Variants in SIN3B observed in about 807,000 individuals in gnomAD.
The protein encoded by SIN3B is paired amphipathic helix protein Sin3b.
A neutral mutation model predicts 120.2 loss-of-function variants in SIN3B; 19 were observed. That is an observed-to-expected ratio of 0.16 (90% CI 0.11 to 0.23). The LOEUF is 0.23. Among genes scored for constraint, SIN3B ranks in the 10% least tolerant of loss-of-function variants. The pLI is 1.00. For missense variants in SIN3B, 1,073 were observed against 1,573.0 expected, an observed-to-expected ratio of 0.68 and a Z score of 5.38; for synonymous variants, 654 against 653.2, an observed-to-expected ratio of 1.00 and a Z score of -0.02.
chr19:16,843,005 G>C (rs780778839), intron 4 of SIN3B, among the ~76,000 whole-genome samples: 1 of 152,214 alleles, frequency 6.6e-6, no homozygotes, highest in South Asian at 2.1e-4. Context: ...GGCTGGTGGC[G>C]AGGGACATCT....
At chr19:16,878,029 T>C (rs1360225374) in intron 17 of SIN3B, among the ~76,000 whole-genome samples, 154 bp from the exon 18 acceptor site, 1 of 152,088 alleles carries the variant, frequency 6.6e-6, no homozygotes, top group African/African-American at 2.4e-5. Context: ...TGTTCAGATC[T>C]GGGGGCATTT....
In SIN3B at chr19:16,876,483, C is replaced by T; in HGVS notation, c.2767-3C>T. The T allele has an allele frequency of 6.2e-7, 1 of 1,612,900 alleles. No individual in the cohort carries two copies. Among genetic ancestry groups the T allele is most frequent in the Non-Finnish European group, 8.5e-7 (1 of 1,179,744 alleles). ...GGAGGCTGTCAGCGTTCCTGCTCCG[C>T]AGGTGATGTTCCTGCAGCGCAAAGG... On this transcript the variant is annotated splice_polypyrimidine_tract_variant and splice_region_variant and intron_variant, in intron 15 of 18. Coordinates refer to ENST00000248054, the MANE Select transcript of SIN3B (RefSeq NM_001297595.2). This position sits in a 1 kb window ranked among gnomAD's most constrained non-coding sequence, Gnocchi z 7.1.
chr19:16,856,606 C>G (rs780590215), intron 8 of SIN3B, among the ~76,000 whole-genome samples: 10 of 151,426 alleles, frequency 6.6e-5, no homozygotes, highest in African/African-American at 1.5e-4. Context: ...GAGTCTTGCT[C>G]TGTTGCCCAG....
chr19:16,868,876 G>A lies in SIN3B; in HGVS notation c.1807-584G>A, dbSNP rs753678121. ...GCTGGCGGGGACAGCAGCGGAGGCG[G>A]GGGCTTGGTGACGATGGGCGTGCAG... On this transcript the variant is annotated intron_variant, in intron 12 of 18. Coordinates refer to ENST00000248054, the MANE Select transcript of SIN3B (RefSeq NM_001297595.2). 1.3e-3 allele frequency among the ~76,000 whole-genome samples: 199 copies of A among 152,294 alleles called. 2 individuals carry two copies. The highest frequency in any genetic ancestry group is 2.4e-3 in the Admixed American group (37 of 15,302).
chr19:16,857,899 C>T (rs918184954), intron 8 of SIN3B, among the ~76,000 whole-genome samples: 17 of 151,764 alleles, frequency 1.1e-4, no homozygotes, highest in African/African-American at 3.4e-4. Flanking sequence ...TTTTTTGAGA[C>T]GGAGTCTAAC....
intron 4 of SIN3B, among the ~76,000 whole-genome samples, chr19:16,846,730 C>T (rs923880182): frequency 1.3e-5 from 2 of 152,216 alleles, no homozygotes; most frequent in African/African-American, 4.8e-5. Context: ...ACCTCCCTGC[C>T]CCCTCTGTTC....
At chr19:16,846,827 A>C (rs2241377) in intron 4 of SIN3B, 143 bp from the exon 5 acceptor site, 464,239 of 826,158 alleles carry the variant, frequency 0.56, 132,558 homozygotes, top group Non-Finnish European at 0.59. Flanking sequence ...AAGATCCACA[A>C]GTGTGCAGAC....
intron 4 of SIN3B, among the ~76,000 whole-genome samples, chr19:16,842,577 A>G (rs1292130116): frequency 1.3e-5 from 2 of 152,042 alleles, no homozygotes; most frequent in African/African-American, 4.8e-5. Context: ...TGGCCAAGAC[A>G]GTCTTTTTAT....
intron 3 of SIN3B, among the ~76,000 whole-genome samples, chr19:16,840,252 G>A (rs1336862117): frequency 6.6e-6 from 1 of 152,130 alleles, no homozygotes; most frequent in East Asian, 1.9e-4. Flanking sequence ...TGATTTAACT[G>A]AGGCCGTTAG....
At chr19:16,840,482 GTTTCAGCC>G (rs1219761526) in intron 3 of SIN3B, among the ~76,000 whole-genome samples, 2 of 152,216 alleles carry the variant, frequency 1.3e-5, no homozygotes, top group African/African-American at 2.4e-5. Flanking sequence ...AACTTCTGTT[GTTTCAGCC>G]AGTCTGGGGT....
chr19:16,856,290 C>G (rs959941551), intron 8 of SIN3B, among the ~76,000 whole-genome samples: 4 of 152,066 alleles, frequency 2.6e-5, no homozygotes, highest in Non-Finnish European at 5.9e-5. Flanking sequence ...TGGGAGCCAG[C>G]TGGGGCCAGT....
intron 14 of SIN3B, 62 bp downstream of exon 14, chr19:16,871,460 A>G (rs1387537938): frequency 1.3e-6 from 2 of 1,495,960 alleles, no homozygotes; most frequent in Non-Finnish European, 1.8e-6. Flanking sequence ...CCATCATTTC[A>G]CTCCCCGCTC....
chr19:16,877,756 T>C (rs1325139646), intron 17 of SIN3B, 117 bp downstream of exon 17: 7 of 737,152 alleles, frequency 9.5e-6, no homozygotes, highest in African/African-American at 1.7e-5. Context: ...AGTAGGTGCC[T>C]GCTGTGTGCT....
intron 3 of SIN3B, among the ~76,000 whole-genome samples, chr19:16,841,422 C>T (rs1302192788): frequency 2.0e-5 from 3 of 152,150 alleles, no homozygotes; most frequent in East Asian, 1.9e-4. Flanking sequence ...GCGTGGGAGA[C>T]TTCTCTATTA....
chr19:16,878,780 G>C lies in SIN3B; in HGVS notation c.*53G>C, dbSNP rs929146853. On this transcript the variant is annotated 3_prime_UTR_variant, in exon 19 of 19. Transcript: ENST00000248054. ...CCTCACAGAGCACAGACGTGCCCTC[G>C]GCCTTGGTCGTGTCGGGGCCGTTTT... 1.4e-6 allele frequency: 2 copies of C among 1,469,094 alleles called. No homozygotes were observed. The highest frequency in any genetic ancestry group is 1.8e-6 in the Non-Finnish European group (2 of 1,091,516). The allele number at this position is 1,469,094 out of a possible 1,614,324, so 91.0% of individuals were successfully genotyped here.
Position 16,829,412 on chromosome 19 carries a change from A to G in SIN3B, c.-9A>G, listed in dbSNP as rs985586122. 2 of 1,202,326 alleles carry G rather than the reference A, an allele frequency of 1.7e-6. No homozygotes were observed. The highest frequency in any genetic ancestry group is 4.4e-5 in the Admixed American group (1 of 22,616). The allele number at this position is 1,202,326 out of a possible 1,614,324, so 74.5% of individuals were successfully genotyped here. A position where few individuals can be genotyped will look rare whatever the true frequency, so the allele number is the denominator to read the frequency against. Reference sequence around the variant, plus strand: ...GGGGGCGGGGCGGGGCGCAGCTCCGACTTCGGACATGGCGCACGCTGGCGG... The same window carrying G: ...GGGGGCGGGGCGGGGCGCAGCTCCGGCTTCGGACATGGCGCACGCTGGCGG... On this transcript the variant is annotated 5_prime_UTR_variant, in exon 1 of 19. Coordinates refer to ENST00000248054, the MANE Select transcript of SIN3B (RefSeq NM_001297595.2).
chr19:16,841,237 A>G (rs1971413202), intron 3 of SIN3B, among the ~76,000 whole-genome samples: 1 of 152,072 alleles, frequency 6.6e-6, no homozygotes, highest in Non-Finnish European at 1.5e-5. Flanking sequence ...CCTTATTGCG[A>G]TTGGCCTGGG....
chr19:16,874,050 C>T (rs191656813), intron 14 of SIN3B, among the ~76,000 whole-genome samples: 16 of 152,310 alleles, frequency 1.1e-4, no homozygotes, highest in Admixed American at 6.5e-4. Context: ...GCTGTGCAGG[C>T]GGGTGATTCA....
In SIN3B at chr19:16,841,752, A is replaced by G. The variant is rs1568413950; in HGVS notation, c.382-16A>G. ...CCAGTGTCGGGCCTGGCAGTAACTC[A>G]TTGTCGCCTTGTCAGGAGAATTCGC... On this transcript the variant is annotated splice_polypyrimidine_tract_variant and intron_variant, in intron 3 of 18. Transcript: ENST00000248054. 6.2e-7 allele frequency: 1 copy of G among 1,611,988 alleles called. No homozygotes were observed. The highest frequency in any genetic ancestry group is 1.1e-5 in the South Asian group (1 of 91,038).
Sources: gnomAD v4.1 joint callset for allele counts (sites outside exome capture counted in the v4.1 genomes callset) on GRCh38, gnomAD v4.1.1 for gene constraint, Gnocchi (gnomAD v3.1) non-coding constraint, MANE v1.5 for transcripts, NCBI Gene and HGNC (gene_info 2026-07-23, HGNC 2026-07-21) for gene names.